Variants in CNDP2 observed in about 807,000 individuals in gnomAD.
The protein encoded by CNDP2 is carnosine dipeptidase 2, also known as cytosolic non-specific dipeptidase.
CNDP2 carries 38 observed loss-of-function variants against 55.0 expected under a neutral mutation model. The ratio of observed to expected loss-of-function variants is 0.69; its 90% CI spans 0.53 to 0.90. The LOEUF is 0.90. Ranked by LOEUF, CNDP2 falls within the 40% of genes least tolerant of loss-of-function variation. CNDP2 has a pLI of 0.00. For synonymous variants in CNDP2, 241 were observed against 260.2 expected, an observed-to-expected ratio of 0.93 and a Z score of 0.71; for missense variants, 607 against 621.7, an observed-to-expected ratio of 0.98 and a Z score of 0.25.
chr18:74,518,431 GGTC>G (rs1979836866), intron 9 of CNDP2, 65 bp from the exon 10 acceptor site: 3 of 1,591,056 alleles, frequency 1.9e-6, no homozygotes, highest in African/African-American at 1.3e-5. Flanking sequence ...CAGACCCGTA[GGTC>G]ACTAGCACTG....
intron 6 of CNDP2, chr18:74,512,031 C>T (rs1236521112): frequency 6.3e-6 from 1 of 158,672 alleles, no homozygotes; most frequent in Non-Finnish European, 1.4e-5. Context: ...GGCAGCTGCC[C>T]TACGCTGGGT....
intron 1 of CNDP2, among the ~76,000 whole-genome samples, 199 bp downstream of exon 1, chr18:74,496,630 C>A (rs896802457): frequency 6.6e-6 from 1 of 152,142 alleles, no homozygotes; most frequent in Non-Finnish European, 1.5e-5. Flanking sequence ...CCGTGACGGC[C>A]ATGGCCCCGG....
At chr18:74,509,319 T>G in intron 5 of CNDP2, 1 of 172,196 alleles carries the variant, frequency 5.8e-6, no homozygotes, top group African/African-American at 2.3e-5. Context: ...AAAAATAAAT[T>G]CTGATTTTTA....
chr18:74,509,051 A>C, intron 5 of CNDP2, 123 bp downstream of exon 5: 2 of 730,444 alleles, frequency 2.7e-6, no homozygotes, highest in Non-Finnish European at 4.6e-6. Flanking sequence ...AGCGTCCCCC[A>C]GCCCTTATCA....
intron 3 of CNDP2, 140 bp downstream of exon 3, chr18:74,501,612 T>G (rs1452525733): frequency 8.8e-7 from 1 of 1,134,370 alleles, no homozygotes; most frequent in East Asian, 2.5e-5. Flanking sequence ...GGGCCTGATT[T>G]GGATGGTAAG....
chr18:74,510,878 C>A lies in CNDP2; in HGVS notation c.522C>A (p.Asp174Glu), dbSNP rs151125709. ...GMEESGSEGL[D>E]ELIFARKDTF... Reference sequence around the variant, plus strand: ...AGGAGTCAGGCTCTGAGGGCCTAGACGAGCTGATTTTTGCCCGGAAAGACA... The same window carrying A: ...AGGAGTCAGGCTCTGAGGGCCTAGAAGAGCTGATTTTTGCCCGGAAAGACA... The change falls in exon 6 of 12, where the codon GAC becomes GAA. Residue 174 changes from aspartate (D) to glutamate (E), a missense_variant. Transcript: ENST00000324262. The A allele has an allele frequency of 3.1e-6, 5 of 1,614,032 alleles. No individual in the cohort carries two copies. The highest frequency in any genetic ancestry group is 4.2e-6 in the Non-Finnish European group (5 of 1,180,032).
chr18:74,519,612 G>A (rs919093755), intron 11 of CNDP2, among the ~76,000 whole-genome samples: 1 of 152,212 alleles, frequency 6.6e-6, no homozygotes, highest in Non-Finnish European at 1.5e-5. Flanking sequence ...GGGTAACCAA[G>A]GCAGACGATC....
At chr18:74,511,335 C>G (rs571050939) in intron 6 of CNDP2, 1 of 306,314 alleles carries the variant, frequency 3.3e-6, no homozygotes, top group African/African-American at 2.1e-5. Flanking sequence ...ATTTTAGAAA[C>G]ACTTCCTTTT....
chr18:74,518,275 A>T, intron 9 of CNDP2: 4 of 426,808 alleles, frequency 9.4e-6, no homozygotes, highest in Non-Finnish European at 1.7e-5. Flanking sequence ...AAAAATAAAA[A>T]ATAAAAAAAG....
chr18:74,503,073 G>GTTTTTTTTTTTTTTTTT (rs72527615), intron 3 of CNDP2, among the ~76,000 whole-genome samples: 1 of 142,190 alleles, frequency 7.0e-6, no homozygotes, highest in Non-Finnish European at 1.5e-5. Context: ...GCTCCCTTTC[G>GTTTTTTTTTTTTTTTTT]TTTTTTTTTT....
Position 74,522,179 on chromosome 18 carries a change from A to G in CNDP2, c.*2111A>G, listed in dbSNP as rs1413395666. 6.6e-6 allele frequency: 1 copy of G among 152,206 alleles called. No individual in the cohort carries two copies. The highest frequency in any genetic ancestry group is 1.5e-5 in the Non-Finnish European group (1 of 68,054). The allele number at this position is 152,206 out of a possible 1,614,324, so 9.4% of individuals were successfully genotyped here. A position where few individuals can be genotyped will look rare whatever the true frequency, so the allele number is the denominator to read the frequency against. On this transcript the variant is annotated 3_prime_UTR_variant, in exon 12 of 12. Coordinates refer to ENST00000324262, the MANE Select transcript of CNDP2 (RefSeq NM_018235.3). ...TCTATGGCTTTTGCATCTTTTCTCT[A>G]AGTCTCCTGTCATTTCAAAGTAAAA...
At chr18:74,501,136 T>G in intron 2 of CNDP2, 193 bp from the exon 3 acceptor site, 1 of 1,221,258 alleles carries the variant, frequency 8.2e-7, no homozygotes, top group Non-Finnish European at 1.0e-6. Flanking sequence ...AGGGTCTCTC[T>G]CTTCCCTCAG....
At chr18:74,512,625 C>A in intron 7 of CNDP2, 93 bp downstream of exon 7, 3 of 1,070,462 alleles carry the variant, frequency 2.8e-6, no homozygotes, top group South Asian at 2.9e-5. Context: ...TGCATTTCAG[C>A]ATTCCACATG....
intron 3 of CNDP2, among the ~76,000 whole-genome samples, chr18:74,504,160 T>A (rs1347744299): frequency 2.2e-5 from 3 of 139,230 alleles, no homozygotes; most frequent in African/African-American, 8.3e-5. Context: ...ATGAGGGGCG[T>A]CAGGCCATAC....
chr18:74,496,981 T>C (rs1978450275), intron 1 of CNDP2, among the ~76,000 whole-genome samples: 1 of 152,154 alleles, frequency 6.6e-6, no homozygotes, highest in Non-Finnish European at 1.5e-5. Context: ...TTTAAGGCTA[T>C]AGGAGGAAGC....
rs377146848 is a variant in CNDP2, at chr18:74,516,411, C to T, written c.1068+19C>T. ...CGAGCAGGCATGTGGGGCTGGGACA[C>T]GGGGTGGGGGCCAAGAGCTACTGTG... On this transcript the variant is annotated intron_variant, in intron 9 of 11. Transcript: ENST00000324262. 90 of 1,593,698 alleles carry T rather than the reference C, an allele frequency of 5.6e-5. No individual in the cohort carries two copies. The highest frequency in any genetic ancestry group is 1.7e-4 in the African/African-American group (13 of 74,480).
chr18:74,512,878 G>C (rs568939116), intron 7 of CNDP2, among the ~76,000 whole-genome samples: 1 of 152,138 alleles, frequency 6.6e-6, no homozygotes, highest in Non-Finnish European at 1.5e-5. Context: ...CTCTCAGGGC[G>C]TGTGTTTTGG....
chr18:74,505,495 C>T (rs1414219585), intron 3 of CNDP2, among the ~76,000 whole-genome samples: 5 of 151,488 alleles, frequency 3.3e-5, no homozygotes, highest in Admixed American at 2.0e-4. Flanking sequence ...GCTACTTGGG[C>T]GGTTGAGACC....
intron 11 of CNDP2, among the ~76,000 whole-genome samples, chr18:74,519,412 C>T (rs962455041): frequency 5.9e-5 from 9 of 152,314 alleles, no homozygotes; most frequent in South Asian, 2.1e-4. Context: ...TAACTGCACA[C>T]GTTGCTGCTT....
Sources: allele counts gnomAD v4.1 joint callset (sites outside exome capture counted in the v4.1 genomes callset), GRCh38; gene constraint gnomAD v4.1.1; transcripts MANE v1.5; gene names NCBI Gene and HGNC (gene_info 2026-07-23, HGNC 2026-07-21).